Variants in SPOCK3 observed in about 807,000 individuals in gnomAD.
The protein encoded by SPOCK3 is testican-3.
In SPOCK3, 30 loss-of-function variants were observed where a neutral mutation model predicts 56.6. That is an observed-to-expected ratio of 0.53 (90% CI 0.40 to 0.72). The LOEUF is 0.72. Ranked by LOEUF, SPOCK3 falls within the 30% of genes least tolerant of loss-of-function variation. SPOCK3 has a pLI of 0.00. For missense variants in SPOCK3, 527 were observed against 530.0 expected, an observed-to-expected ratio of 0.99 and a Z score of 0.06; for synonymous variants, 196 against 183.3, an observed-to-expected ratio of 1.07 and a Z score of -0.56.
intron 8 of SPOCK3, among the ~76,000 whole-genome samples, chr4:166,744,774 G>T (rs1356226236): frequency 1.3e-5 from 2 of 152,066 alleles, no homozygotes; most frequent in East Asian, 3.9e-4. Flanking sequence ...GGAATAAACA[G>T]CATAGGGAAG....
At chr4:166,898,041 T>TA (rs142655461) in intron 5 of SPOCK3, among the ~76,000 whole-genome samples, 11,855 of 146,050 alleles carry the variant, frequency 0.081, 527 homozygotes, top group Non-Finnish European at 0.1. Context: ...AAAATAAAAA[T>TA]AAAAAAAAAA....
intron 7 of SPOCK3, 99 bp downstream of exon 7, chr4:166,792,071 G>T: frequency 7.4e-7 from 1 of 1,357,234 alleles, no homozygotes; most frequent in Non-Finnish European, 1.0e-6. Flanking sequence ...TATATATGCA[G>T]TGAATAAATA....
At chr4:166,740,626 A>C (rs1046077483) in intron 9 of SPOCK3, among the ~76,000 whole-genome samples, 4 of 151,760 alleles carry the variant, frequency 2.6e-5, no homozygotes, top group Non-Finnish European at 5.9e-5. Context: ...CCCCGGTTCA[A>C]GCAATTCTCC....
At chr4:167,150,323 ATACTT>A (rs1764309127) in intron 2 of SPOCK3, among the ~76,000 whole-genome samples, 1 of 152,110 alleles carries the variant, frequency 6.6e-6, no homozygotes, top group African/African-American at 2.4e-5. Context: ...GTAAAAATGA[ATACTT>A]TAAATACTAG....
chr4:166,812,571 G>C (rs995069305), intron 6 of SPOCK3, among the ~76,000 whole-genome samples: 3 of 151,826 alleles, frequency 2.0e-5, no homozygotes, highest in Admixed American at 2.0e-4. Context: ...TCTAAATGCA[G>C]AAAAAGATTC....
At chr4:166,787,284 G>C (rs145854034) in intron 7 of SPOCK3, among the ~76,000 whole-genome samples, 2 of 152,106 alleles carry the variant, frequency 1.3e-5, no homozygotes, top group Non-Finnish European at 1.5e-5. Flanking sequence ...TTAAACAATA[G>C]ATATTAGCAT....
chr4:167,066,858 G>A (rs1443286477), intron 2 of SPOCK3, among the ~76,000 whole-genome samples: 1 of 151,930 alleles, frequency 6.6e-6, no homozygotes, highest in East Asian at 1.9e-4. Context: ...GTATGGAGAA[G>A]CTAGTTTCCT....
chr4:167,091,164 CCT>C (rs1290322331), intron 2 of SPOCK3, among the ~76,000 whole-genome samples: 1 of 152,122 alleles, frequency 6.6e-6, no homozygotes, highest in Non-Finnish European at 1.5e-5. Flanking sequence ...GCCCTGGATG[CCT>C]CTCTGACCAC....
chr4:166,747,654 G>C (rs1384136624), intron 8 of SPOCK3, among the ~76,000 whole-genome samples: 1 of 152,072 alleles, frequency 6.6e-6, no homozygotes, highest in Non-Finnish European at 1.5e-5. Flanking sequence ...GCAGGAGAAG[G>C]AAATAAAGGA....
intron 2 of SPOCK3, among the ~76,000 whole-genome samples, chr4:167,115,546 A>G (rs1440738203): frequency 1.3e-5 from 2 of 152,100 alleles, no homozygotes; most frequent in Non-Finnish European, 2.9e-5. Context: ...AGGTATTTTT[A>G]AAAGTAGTGA....
At chr4:167,199,685 G>A (rs1023940870) in intron 2 of SPOCK3, among the ~76,000 whole-genome samples, 1 of 139,880 alleles carries the variant, frequency 7.1e-6, no homozygotes, top group African/African-American at 2.7e-5. Flanking sequence ...AACTTATAAT[G>A]TGTGAAATAA....
intron 8 of SPOCK3, among the ~76,000 whole-genome samples, chr4:166,751,205 T>C (rs933192009): frequency 1.3e-5 from 2 of 152,200 alleles, no homozygotes; most frequent in African/African-American, 4.8e-5. Context: ...CCTCCATATT[T>C]ATTTGATTTA....
At chr4:167,102,099 G>T (rs1339295598) in intron 2 of SPOCK3, among the ~76,000 whole-genome samples, 1 of 151,622 alleles carries the variant, frequency 6.6e-6, no homozygotes, top group Non-Finnish European at 1.5e-5. Flanking sequence ...CACTTTATTT[G>T]TGTACCTAAG....
chr4:167,096,268 T>C (rs1367957984), intron 2 of SPOCK3, among the ~76,000 whole-genome samples: 1 of 151,938 alleles, frequency 6.6e-6, no homozygotes, highest in Non-Finnish European at 1.5e-5. Flanking sequence ...GCAGTTGTTA[T>C]TTTTTTCTAC....
At chr4:166,775,151 C>T (rs994770671) in intron 7 of SPOCK3, among the ~76,000 whole-genome samples, 6 of 151,876 alleles carry the variant, frequency 4.0e-5, no homozygotes, top group African/African-American at 9.7e-5. Context: ...GGAAGAGTAA[C>T]GGATCTATGG....
chr4:167,066,919 A>C (rs1756200019), intron 2 of SPOCK3, among the ~76,000 whole-genome samples: 1 of 151,906 alleles, frequency 6.6e-6, no homozygotes, highest in Non-Finnish European at 1.5e-5. Flanking sequence ...GTGGGTCGGA[A>C]GGATAAGCTT....
chr4:167,096,198 G>T (rs1425095702), intron 2 of SPOCK3, among the ~76,000 whole-genome samples: 2 of 151,804 alleles, frequency 1.3e-5, no homozygotes, highest in African/African-American at 4.8e-5. Flanking sequence ...TTGTCTGCAG[G>T]TTCAGTGCAA....
At chr4:166,749,532 T>A (rs6850247) in intron 8 of SPOCK3, among the ~76,000 whole-genome samples, 119,753 of 151,534 alleles carry the variant, frequency 0.79, 47,586 homozygotes, top group South Asian at 0.82. Context: ...GAAATACCTA[T>A]TGTAAATGAC....
At chr4:166,979,541 A>T (rs919244221) in intron 4 of SPOCK3, among the ~76,000 whole-genome samples, 1 of 151,846 alleles carries the variant, frequency 6.6e-6, no homozygotes, top group Admixed American at 6.6e-5. Context: ...TTTTTCTGTA[A>T]TTATCTCTTT....
Sources: gnomAD v4.1 joint callset for allele counts (sites outside exome capture counted in the v4.1 genomes callset) on GRCh38, gnomAD v4.1.1 for gene constraint, MANE v1.5 for transcripts, NCBI Gene and HGNC (gene_info 2026-07-23, HGNC 2026-07-21) for gene names.